The following MBD5 variants were observed in gnomAD, a reference collection of about 807,000 sequenced individuals.
The protein encoded by MBD5 is methyl-CpG binding domain protein 5, also known as methyl-CpG-binding domain protein 5.
A neutral mutation model predicts 117.3 loss-of-function variants in MBD5; 13 were observed. The observed-to-expected ratio is 0.11, with a 90% CI of 0.07 to 0.18. The LOEUF (loss-of-function observed/expected upper bound fraction) is 0.18. Ranked by LOEUF, MBD5 falls within the 10% of genes least tolerant of loss-of-function variation. MBD5 has a pLI of 1.00. For missense variants in MBD5, 1,879 were observed against 2,093.8 expected (o/e 0.90, Z 2.00); for synonymous variants, 727 against 766.4 (o/e 0.95, Z 0.85).
rs536220091 is a variant in MBD5 at position 148,357,716 on chromosome 2, A to C, written c.-557+15380A>C. Among the ~76,000 whole-genome samples, 4 of 152,112 alleles carry C rather than the reference A, an allele frequency of 2.6e-5. No homozygotes were observed. In the South Asian group the frequency reaches 8.3e-4, roughly 32 times the overall value. On this transcript the variant is annotated intron_variant, in intron 4 of 13. Coordinates refer to ENST00000642680, the MANE Select transcript of MBD5 (RefSeq NM_001378120.1). ...GGCCATTTGAAGTCTGTTCTTTTGC[A>C]TGATACTTTGTTTCATTTTTAATCT...
intron 1 of MBD5, among the ~76,000 whole-genome samples, chr2:148,081,535 C>T (rs909125711): frequency 6.6e-6 from 1 of 152,096 alleles, no homozygotes; most frequent in Admixed American, 6.6e-5. Context: ...GAATATAGCA[C>T]CTTGGGGCCA....
At chr2:148,463,527 T>C (rs1707163818) in intron 6 of MBD5, among the ~76,000 whole-genome samples, 1 of 152,124 alleles carries the variant, frequency 6.6e-6, no homozygotes, top group African/African-American at 2.4e-5. Flanking sequence ...GTCTTAGAAT[T>C]AGGATAGTAT....
intron 4 of MBD5, among the ~76,000 whole-genome samples, chr2:148,440,456 G>A (rs1706284820): frequency 6.6e-6 from 1 of 152,134 alleles, no homozygotes; most frequent in African/African-American, 2.4e-5. Context: ...ATTCTATTCG[G>A]CCTCCACTCA....
intron 3 of MBD5, among the ~76,000 whole-genome samples, chr2:148,320,434 G>A (rs766540720): frequency 6.6e-6 from 1 of 152,078 alleles, no homozygotes; most frequent in Non-Finnish European, 1.5e-5. Context: ...GTTCACTGCA[G>A]CCTCGACCTC....
intron 2 of MBD5, among the ~76,000 whole-genome samples, chr2:148,206,183 T>TAC (rs991260796): frequency 1.5e-4 from 22 of 151,032 alleles, no homozygotes; most frequent in South Asian, 4.2e-4. Context: ...ATATATTATA[T>TAC]ACACACGCAT....
chr2:148,291,831 C>T (rs1356732981), intron 3 of MBD5, among the ~76,000 whole-genome samples: 1 of 152,062 alleles, frequency 6.6e-6, no homozygotes, highest in Non-Finnish European at 1.5e-5. Context: ...CAGAGTTGTA[C>T]TAACTGAAAA....
chr2:148,455,142 A>G (rs964504582), intron 4 of MBD5, among the ~76,000 whole-genome samples: 3 of 152,178 alleles, frequency 2.0e-5, no homozygotes, highest in African/African-American at 7.2e-5. Context: ...CAAATTCACA[A>G]GATGAGTGTT....
chr2:148,406,816 C>A (rs1452743796), intron 4 of MBD5, among the ~76,000 whole-genome samples: 1 of 152,186 alleles, frequency 6.6e-6, no homozygotes, highest in Non-Finnish European at 1.5e-5. Flanking sequence ...TCCCCTGATT[C>A]TCTTCCTACG....
intron 3 of MBD5, among the ~76,000 whole-genome samples, chr2:148,331,479 C>G (rs1702654147): frequency 6.6e-6 from 1 of 151,948 alleles, no homozygotes; most frequent in Admixed American, 6.6e-5. Context: ...ACAAAACATC[C>G]AGTGTTAAAT....
chr2:148,424,291 C>T (rs572153111), intron 4 of MBD5, among the ~76,000 whole-genome samples: 1 of 147,178 alleles, frequency 6.8e-6, no homozygotes, highest in Non-Finnish European at 1.5e-5. Flanking sequence ...CAAAGAAGGG[C>T]ATTACATAAT....
chr2:148,067,416 T>C (rs1428609755), intron 1 of MBD5, among the ~76,000 whole-genome samples: 2 of 152,202 alleles, frequency 1.3e-5, no homozygotes, highest in Admixed American at 1.3e-4. Flanking sequence ...TTTAAGATTT[T>C]AGTAAACATT....
chr2:148,416,684 G>T (rs968138055), intron 4 of MBD5, among the ~76,000 whole-genome samples: 1 of 152,038 alleles, frequency 6.6e-6, no homozygotes, highest in African/African-American at 2.4e-5. Flanking sequence ...GAATTGTATG[G>T]TGGTGAAGTC....
At chr2:148,279,509 T>C (rs1215444278) in intron 3 of MBD5, among the ~76,000 whole-genome samples, 1 of 152,168 alleles carries the variant, frequency 6.6e-6, no homozygotes, top group South Asian at 2.1e-4. Context: ...TACTGAAACA[T>C]TGAGAGTAAT....
At chr2:148,171,153 A>T (rs1333755434) in intron 1 of MBD5, among the ~76,000 whole-genome samples, 1 of 152,242 alleles carries the variant, frequency 6.6e-6, no homozygotes, top group Non-Finnish European at 1.5e-5. Flanking sequence ...CATTACTCTG[A>T]TACCAAAGCC....
At chr2:148,423,409 TG>T (rs1705673285) in intron 4 of MBD5, among the ~76,000 whole-genome samples, 2 of 151,750 alleles carry the variant, frequency 1.3e-5, no homozygotes, top group African/African-American at 4.8e-5. Context: ...AAACAAAACA[TG>T]ATTGCATTTT....
At chr2:148,412,272 TTGTGTGTGTGTG>T (rs59209677) in intron 4 of MBD5, among the ~76,000 whole-genome samples, 4 of 144,480 alleles carry the variant, frequency 2.8e-5, no homozygotes, top group Non-Finnish European at 4.5e-5. Context: ...AGTATACTTT[TTGTGTGTGTGTG>T]TGTGTGTGTG....
intron 3 of MBD5, among the ~76,000 whole-genome samples, chr2:148,237,970 T>A (rs1700126512): frequency 6.6e-6 from 1 of 152,148 alleles, no homozygotes; most frequent in Non-Finnish European, 1.5e-5. Context: ...CTGTGAGGAT[T>A]AAATGGAATA....
At chr2:148,032,358 G>C (rs919695198) in intron 1 of MBD5, among the ~76,000 whole-genome samples, 2 of 152,100 alleles carry the variant, frequency 1.3e-5, no homozygotes, top group Non-Finnish European at 2.9e-5. Context: ...CGTAATATGA[G>C]GGCTTTTAGA....
In MBD5 at chr2:148,484,154, C is replaced by T. The variant is rs1376071386; in HGVS notation, c.3544+19C>T. ...CTACTTGGTAAGTTAAATTTTTTCACAAATTTTTTACAAAAGAAACGTTTT... is the reference window on the plus strand; with the variant it reads ...CTACTTGGTAAGTTAAATTTTTTCATAAATTTTTTACAAAAGAAACGTTTT... On this transcript the variant is annotated intron_variant, in intron 9 of 13. Transcript: ENST00000642680. 7.1e-7 allele frequency: 1 copy of T among 1,415,976 alleles called. No individual in the cohort carries two copies. The highest frequency in any genetic ancestry group is 1.5e-5 in the African/African-American group (1 of 68,722). 87.7% of individuals were successfully genotyped at this position (1,415,976 alleles called of 1,614,324 possible). A position where few individuals can be genotyped will look rare whatever the true frequency, so the allele number is the denominator to read the frequency against.
Sources: gnomAD v4.1 joint callset for allele counts (sites outside exome capture counted in the v4.1 genomes callset) on GRCh38, gnomAD v4.1.1 for gene constraint, MANE v1.5 for transcripts, NCBI Gene and HGNC (gene_info 2026-07-23, HGNC 2026-07-21) for gene names.